CNNM2: variants seen among roughly 807,000 people sequenced by gnomAD.
CNNM2 encodes metal transporter CNNM2.
In CNNM2, 12 loss-of-function variants were observed where a neutral mutation model predicts 66.9. That is an observed-to-expected ratio of 0.18 (90% CI 0.11 to 0.29). The LOEUF (loss-of-function observed/expected upper bound fraction) is 0.29. CNNM2 is among the 10% of genes least tolerant of loss of function. The pLI, the probability that CNNM2 is intolerant of heterozygous loss-of-function variation, is 1.00. For synonymous variants in CNNM2, 557 were observed against 501.8 expected, an observed-to-expected ratio of 1.11 and a Z score of -1.47; for missense variants, 705 against 1,167.7, an observed-to-expected ratio of 0.60 and a Z score of 5.77.
At chr10:102,978,758 CAACTCAT>C (rs1342895539) in intron 1 of CNNM2, among the ~76,000 whole-genome samples, 2 of 152,202 alleles carry the variant, frequency 1.3e-5, no homozygotes, top group African/African-American at 4.8e-5. Context: ...ATGTGACCAG[CAACTCAT>C]GCTGCCTTCC....
intron 4 of CNNM2, among the ~76,000 whole-genome samples, chr10:103,057,588 CAGTG>C (rs1480952181): frequency 6.6e-6 from 1 of 152,138 alleles, no homozygotes; most frequent in East Asian, 1.9e-4. Flanking sequence ...GTCTGAATCT[CAGTG>C]GGTGTTTGAA....
chr10:103,061,247 G>C (rs190061885), intron 4 of CNNM2, among the ~76,000 whole-genome samples: 1 of 152,202 alleles, frequency 6.6e-6, no homozygotes, highest in African/African-American at 2.4e-5. Context: ...GCAAAACTTA[G>C]CTAGACGTGT....
chr10:103,074,906 G>T (rs758301797), intron 6 of CNNM2, among the ~76,000 whole-genome samples: 1 of 152,162 alleles, frequency 6.6e-6, no homozygotes, highest in Non-Finnish European at 1.5e-5. Context: ...TTTGTTCCGG[G>T]TGTCCTGTTT....
chr10:102,927,450 T>C (rs1845909673), intron 1 of CNNM2: 1 of 1,608,454 alleles, frequency 6.2e-7, no homozygotes, highest in African/African-American at 1.3e-5. Flanking sequence ...AGGATGTCTA[T>C]ACAGAGGGAT....
chr10:103,054,648 C>T lies in CNNM2; in HGVS notation c.1903+182C>T, dbSNP rs2065269237. ...TGTTTTTTTCTTTTTAAATTCTCTC[C>T]TCTCCTATGTTCAGTGTCGGCATGA... On this transcript the variant is annotated intron_variant, in intron 3 of 7. Coordinates refer to ENST00000369878, the MANE Select transcript of CNNM2 (RefSeq NM_017649.5). The surrounding 1 kb of genome is among the most constrained non-coding windows in gnomAD (Gnocchi z 5.2). Among the ~76,000 whole-genome samples, 1 of 152,054 alleles carries T rather than the reference C, an allele frequency of 6.6e-6. No individual in the cohort carries two copies. Among genetic ancestry groups the T allele is most frequent in the Non-Finnish European group, 1.5e-5 (1 of 68,010 alleles).
chr10:103,016,769 C>T (rs879256259), intron 1 of CNNM2, among the ~76,000 whole-genome samples: 4 of 152,092 alleles, frequency 2.6e-5, no homozygotes, highest in Non-Finnish European at 4.4e-5. Context: ...GGGAAGACAG[C>T]GAATGGAGGC....
chr10:103,013,378 A>AT (rs1490734143), intron 1 of CNNM2, among the ~76,000 whole-genome samples: 1 of 152,094 alleles, frequency 6.6e-6, no homozygotes, highest in African/African-American at 2.4e-5. Flanking sequence ...ATTGTGAATT[A>AT]TTTTTTACTG....
At chr10:102,980,955 A>G (rs2063709950) in intron 1 of CNNM2, among the ~76,000 whole-genome samples, 1 of 152,184 alleles carries the variant, frequency 6.6e-6, no homozygotes, top group Non-Finnish European at 1.5e-5. Context: ...CAGGTTATGC[A>G]TCAGTTCTTT....
chr10:102,969,211 C>T (rs1432702306), intron 1 of CNNM2, among the ~76,000 whole-genome samples: 14 of 150,698 alleles, frequency 9.3e-5, no homozygotes, highest in Admixed American at 4.6e-4. Flanking sequence ...CACTGCACTG[C>T]GCCTAGTAGT....
chr10:102,952,451 C>T (rs180701149), intron 1 of CNNM2, among the ~76,000 whole-genome samples: 3 of 152,074 alleles, frequency 2.0e-5, no homozygotes, highest in Admixed American at 2.0e-4. Flanking sequence ...GTAGTCCCAG[C>T]TACTCGGGAA....
Position 103,071,781 on chromosome 10 carries a change from G to C in CNNM2, c.2175G>C (p.Leu725Phe), listed in dbSNP as rs777792229. ...VMALTASPVP[L>F]SLSRTFVVSR... The stretch of plus-strand genomic sequence containing the variant: ...TTTTTCTCCATTTTTCAGTTCCTTT[G>C]TCCCTGTCTCGTACCTTTGTTGTCA... The change falls in exon 6 of 8, where the codon TTG becomes TTC. Residue 725 changes from leucine to phenylalanine, a missense_variant. By Grantham distance (22) the Leu-to-Phe change is conservative. This residue lies in a region of CNNM2 where 194 missense variants were observed against 227.6 expected (regional missense o/e 0.85). Coordinates refer to ENST00000369878, the MANE Select transcript of CNNM2 (RefSeq NM_017649.5). 1.9e-6 allele frequency: 3 copies of C among 1,613,730 alleles called. No individual in the cohort carries two copies. Among genetic ancestry groups the C allele is most frequent in the South Asian group, 1.1e-5 (1 of 91,068 alleles).
chr10:103,077,225 G>T lies in CNNM2; in HGVS notation c.*45G>T, dbSNP rs754216066. On this transcript the variant is annotated 3_prime_UTR_variant, in exon 8 of 8. Transcript: ENST00000369878. ...CCCAGGCCCGCACCCGCCCAGTCCC[G>T]AGGGCCCGGCCCTGTCTGCCCATGA... 3.2e-6 allele frequency: 5 copies of T among 1,566,594 alleles called. No homozygotes were observed. The highest frequency in any genetic ancestry group is 2.6e-6 in the Non-Finnish European group (3 of 1,146,118).
chr10:102,970,533 G>A (rs1315191402), intron 1 of CNNM2, among the ~76,000 whole-genome samples: 2 of 152,114 alleles, frequency 1.3e-5, no homozygotes, highest in East Asian at 3.8e-4. Context: ...GCCCACCCTG[G>A]CTCTCACCCA....
chr10:103,053,644 C>T (rs1223164000), intron 2 of CNNM2, among the ~76,000 whole-genome samples: 1 of 152,210 alleles, frequency 6.6e-6, no homozygotes, highest in Non-Finnish European at 1.5e-5. Context: ...TTTTTCTAAA[C>T]AGCAGTGTGG....
At chr10:103,012,102 C>A (rs2064354763) in intron 1 of CNNM2, among the ~76,000 whole-genome samples, 1 of 152,134 alleles carries the variant, frequency 6.6e-6, no homozygotes, top group Admixed American at 6.5e-5. Context: ...TATATCCTTC[C>A]AGAAATACAG....
At chr10:103,011,229 C>T (rs765875254) in intron 1 of CNNM2, among the ~76,000 whole-genome samples, 1 of 151,964 alleles carries the variant, frequency 6.6e-6, no homozygotes. Flanking sequence ...CTGAGGCAGG[C>T]AGATCACGAG....
intron 1 of CNNM2, among the ~76,000 whole-genome samples, chr10:102,955,884 C>T (rs1156369105): frequency 4.6e-5 from 7 of 152,164 alleles, no homozygotes; most frequent in African/African-American, 1.2e-4. Flanking sequence ...AGGCCAGGAG[C>T]GTTGGCTCAC....
chr10:103,039,800 G>A (rs2065007452), intron 1 of CNNM2, among the ~76,000 whole-genome samples: 1 of 152,100 alleles, frequency 6.6e-6, no homozygotes, highest in Non-Finnish European at 1.5e-5. Context: ...CATCAAGCTA[G>A]GTGTTCTGGG....
intron 5 of CNNM2, among the ~76,000 whole-genome samples, chr10:103,071,256 G>C (rs551092954): frequency 1.1e-4 from 17 of 152,300 alleles, no homozygotes; most frequent in African/African-American, 3.9e-4. Context: ...ATCTGTGTAT[G>C]CGTTCTTTAC....
Sources: gnomAD v4.1 joint callset for allele counts (sites outside exome capture counted in the v4.1 genomes callset) on GRCh38, gnomAD v4.1.1 for gene constraint, gnomAD v4.1.1 regional missense constraint, Gnocchi (gnomAD v3.1) non-coding constraint, MANE v1.5 for transcripts, NCBI Gene and HGNC (gene_info 2026-07-23, HGNC 2026-07-21) for gene names.